Variants in WWOX observed in about 807,000 individuals in gnomAD.
WWOX encodes WW domain containing oxidoreductase.
In WWOX, 69 loss-of-function variants were observed where a neutral mutation model predicts 46.2. The ratio of observed to expected loss-of-function variants is 1.49; its 90% CI spans 1.23 to 1.82. WWOX has a LOEUF of 1.82. WWOX is among the 40% of genes most tolerant of loss of function. The probability of loss-of-function intolerance (pLI) is 0.00; values close to 1 mark genes in which losing one functional copy is unlikely to be tolerated. For synonymous variants in WWOX, 359 were observed against 202.6 expected, an observed-to-expected ratio of 1.77 and a Z score of -6.56; for missense variants, 919 against 542.6, an observed-to-expected ratio of 1.69 and a Z score of -6.89.
chr16:78,993,362 C>G (rs1318874653), intron 8 of WWOX, among the ~76,000 whole-genome samples: 1 of 152,014 alleles, frequency 6.6e-6, no homozygotes, highest in East Asian at 1.9e-4. Context: ...ACAATAAAAC[C>G]TTTAAGTGCT....
chr16:78,326,868 G>C (rs889695233), intron 5 of WWOX, among the ~76,000 whole-genome samples: 5 of 151,822 alleles, frequency 3.3e-5, no homozygotes, highest in Non-Finnish European at 5.9e-5. Flanking sequence ...GGGCTTTTTC[G>C]GTTGTATTCT....
At chr16:78,341,074 G>T (rs1455133135) in intron 5 of WWOX, among the ~76,000 whole-genome samples, 1 of 116,906 alleles carries the variant, frequency 8.6e-6, no homozygotes, top group South Asian at 2.5e-4. Flanking sequence ...GATAGGAATT[G>T]TGTTACTTCT....
intron 8 of WWOX, among the ~76,000 whole-genome samples, chr16:78,658,948 C>G (rs139290073): frequency 0.014 from 1,429 of 105,052 alleles, 40 homozygotes; most frequent in African/African-American, 0.047. Flanking sequence ...AAAAATTAGC[C>G]AGGTATGGTG....
At chr16:78,841,856 A>G (rs2052159852) in intron 8 of WWOX, among the ~76,000 whole-genome samples, 1 of 152,148 alleles carries the variant, frequency 6.6e-6, no homozygotes, top group African/African-American at 2.4e-5. Flanking sequence ...TTATTTCAGG[A>G]CCTTGGTAAG....
chr16:78,462,565 C>T (rs912376774), intron 8 of WWOX, among the ~76,000 whole-genome samples: 7 of 152,158 alleles, frequency 4.6e-5, no homozygotes, highest in South Asian at 4.1e-4. Flanking sequence ...AAATGACAGC[C>T]GCCGTGCTGA....
intron 8 of WWOX, among the ~76,000 whole-genome samples, chr16:78,579,788 C>T (rs1402769956): frequency 2.6e-5 from 4 of 152,248 alleles, no homozygotes; most frequent in South Asian, 2.1e-4. Flanking sequence ...GAGATAATAT[C>T]TTTAAATCTC....
chr16:79,132,685 C>A (rs75790521), intron 8 of WWOX, among the ~76,000 whole-genome samples: 3 of 151,654 alleles, frequency 2.0e-5, no homozygotes, highest in African/African-American at 4.8e-5. Context: ...CTTATATTGT[C>A]GCTTAAAAAA....
At chr16:79,210,518 G>T (rs117523611) in intron 8 of WWOX, among the ~76,000 whole-genome samples, 5 of 152,160 alleles carry the variant, frequency 3.3e-5, no homozygotes, top group Admixed American at 3.3e-4. Context: ...TTTTCCTTGT[G>T]GGGGCGAGCT....
intron 8 of WWOX, among the ~76,000 whole-genome samples, chr16:78,975,986 C>T (rs2046564883): frequency 6.6e-6 from 1 of 152,192 alleles, no homozygotes; most frequent in Non-Finnish European, 1.5e-5. Context: ...GCTTGGAAAC[C>T]TTTGCAAAGT....
intron 8 of WWOX, among the ~76,000 whole-genome samples, chr16:78,812,715 G>C (rs1005808285): frequency 6.6e-6 from 1 of 151,180 alleles, no homozygotes; most frequent in African/African-American, 2.5e-5. Context: ...GACAGAATGA[G>C]ACTCCATCCT....
At chr16:79,003,570 A>G (rs570364890) in intron 8 of WWOX, among the ~76,000 whole-genome samples, 30 of 152,262 alleles carry the variant, frequency 2.0e-4, no homozygotes, top group Admixed American at 2.6e-4. Context: ...GAGGTCATTT[A>G]GTGGAATCCA....
intron 8 of WWOX, among the ~76,000 whole-genome samples, chr16:78,727,932 A>G (rs1189063059): frequency 1.3e-5 from 2 of 151,868 alleles, no homozygotes; most frequent in African/African-American, 4.8e-5. Flanking sequence ...ATTTTTACTG[A>G]TATTTATCAT....
chr16:78,956,109 A>C (rs753384064), intron 8 of WWOX, among the ~76,000 whole-genome samples: 3 of 152,022 alleles, frequency 2.0e-5, no homozygotes, highest in Non-Finnish European at 4.4e-5. Context: ...CTCACTATCT[A>C]CATCCCCACT....
intron 8 of WWOX, among the ~76,000 whole-genome samples, chr16:79,105,671 T>TTG (rs1555528460): frequency 6.6e-6 from 1 of 151,852 alleles, no homozygotes; most frequent in African/African-American, 2.4e-5. Context: ...TTTTTTTTTT[T>TTG]TTTGTTTGCG....
At chr16:78,612,538 C>T (rs1418198855) in intron 8 of WWOX, among the ~76,000 whole-genome samples, 1 of 152,218 alleles carries the variant, frequency 6.6e-6, no homozygotes, top group Non-Finnish European at 1.5e-5. Context: ...GTGCAGTGTA[C>T]AATCAGATTT....
intron 6 of WWOX, among the ~76,000 whole-genome samples, chr16:78,388,277 C>T (rs190340445): frequency 3.9e-4 from 60 of 152,256 alleles, no homozygotes; most frequent in Middle Eastern, 3.4e-3. Context: ...GTGATCCACC[C>T]GCCTCAGCCT....
intron 6 of WWOX, among the ~76,000 whole-genome samples, chr16:78,412,244 G>T (rs2082698617): frequency 6.6e-6 from 1 of 152,156 alleles, no homozygotes; most frequent in Non-Finnish European, 1.5e-5. Flanking sequence ...TGACTGGTTT[G>T]CAAATATCAG....
intron 7 of WWOX, among the ~76,000 whole-genome samples, chr16:78,426,271 G>T (rs1325686542): frequency 3.3e-5 from 5 of 152,198 alleles, no homozygotes; most frequent in African/African-American, 9.7e-5. Flanking sequence ...GGGGCAGGCA[G>T]CAGAGAGAGC....
intron 8 of WWOX, among the ~76,000 whole-genome samples, chr16:79,054,870 C>G (rs1431645595): frequency 1.3e-5 from 2 of 152,100 alleles, no homozygotes; most frequent in Non-Finnish European, 2.9e-5. Context: ...AGAAAATTAA[C>G]TGAAGAAATT....
Sources: gnomAD v4.1 joint callset for allele counts (sites outside exome capture counted in the v4.1 genomes callset) on GRCh38, gnomAD v4.1.1 for gene constraint, MANE v1.5 for transcripts, NCBI Gene and HGNC (gene_info 2026-07-23, HGNC 2026-07-21) for gene names.